The following MGAT5 variants were observed in gnomAD, a reference collection of about 807,000 sequenced individuals.
MGAT5 encodes the protein alpha-1,6-mannosylglycoprotein 6-beta-N-acetylglucosaminyltransferase A.
MGAT5 carries 30 observed loss-of-function variants against 94.3 expected under a neutral mutation model. The observed-to-expected ratio is 0.32, with a 90% CI of 0.24 to 0.43. The LOEUF is 0.43. Ranked by LOEUF, MGAT5 falls within the 20% of genes least tolerant of loss-of-function variation. The pLI is 1.00. For missense variants in MGAT5, 691 were observed against 905.5 expected, an observed-to-expected ratio of 0.76 and a Z score of 3.04; for synonymous variants, 310 against 322.9, an observed-to-expected ratio of 0.96 and a Z score of 0.43.
intron 13 of MGAT5, among the ~76,000 whole-genome samples, chr2:134,426,949 A>G (rs1684625081): frequency 6.6e-6 from 1 of 152,150 alleles, no homozygotes; most frequent in Admixed American, 6.5e-5. Flanking sequence ...TTTGAGCTCT[A>G]TTCTGACAGC....
At chr2:134,127,642 G>A (rs371506652) in intron 1 of MGAT5, among the ~76,000 whole-genome samples, 6 of 152,228 alleles carry the variant, frequency 3.9e-5, no homozygotes, top group African/African-American at 1.4e-4. Context: ...GAGCTGTCCA[G>A]GCAGCATGGC....
chr2:134,305,038 T>A (rs1686245159), intron 2 of MGAT5, among the ~76,000 whole-genome samples: 2 of 152,184 alleles, frequency 1.3e-5, no homozygotes, highest in African/African-American at 4.8e-5. Context: ...TACCCAAGAA[T>A]TTGTTGTGCT....
At chr2:134,187,496 C>T in intron 1 of MGAT5, among the ~76,000 whole-genome samples, 1 of 152,208 alleles carries the variant, frequency 6.6e-6, no homozygotes, top group South Asian at 2.1e-4. Flanking sequence ...CACACGTTGT[C>T]TTTTACTTCC....
intron 11 of MGAT5, among the ~76,000 whole-genome samples, chr2:134,403,979 A>T (rs1373431398): frequency 6.6e-6 from 1 of 152,232 alleles, no homozygotes; most frequent in Non-Finnish European, 1.5e-5. Context: ...TAATGGTGCC[A>T]TGGAAGTACC....
At chr2:134,266,512 C>T (rs115963383) in intron 1 of MGAT5, among the ~76,000 whole-genome samples, 3,401 of 152,322 alleles carry the variant, frequency 0.022, 85 homozygotes, top group East Asian at 0.081. Context: ...TGAGCCGCCG[C>T]GCCAGCCTGT....
At chr2:134,247,453 C>A (rs1292563444) in intron 1 of MGAT5, among the ~76,000 whole-genome samples, 6 of 150,120 alleles carry the variant, frequency 4.0e-5, no homozygotes, top group African/African-American at 1.2e-4. Context: ...GTTCAAACTT[C>A]AGTGTATGGA....
chr2:134,276,881 G>A (rs912840115), intron 2 of MGAT5, among the ~76,000 whole-genome samples: 1 of 152,184 alleles, frequency 6.6e-6, no homozygotes, highest in African/African-American at 2.4e-5. Context: ...TGAAGCTGGT[G>A]TTATGGGGAC....
intron 10 of MGAT5, among the ~76,000 whole-genome samples, chr2:134,362,774 C>T (rs1680179542): frequency 6.6e-6 from 1 of 152,210 alleles, no homozygotes; most frequent in Admixed American, 6.5e-5. Context: ...GAGTCTTTCC[C>T]TCTGCTTCTG....
chr2:134,240,324 G>C (rs934111769), intron 1 of MGAT5, among the ~76,000 whole-genome samples: 1 of 151,322 alleles, frequency 6.6e-6, no homozygotes, highest in African/African-American at 2.4e-5. Context: ...GGATTTTTGA[G>C]GGTGCCCTGA....
intron 1 of MGAT5, among the ~76,000 whole-genome samples, chr2:134,132,750 T>G (rs1686232966): frequency 6.6e-6 from 1 of 152,258 alleles, no homozygotes; most frequent in South Asian, 2.1e-4. Context: ...TGTGACCTTC[T>G]GTTTGGAAGA....
chr2:134,249,943 C>T (rs1002539872), upstream of MGAT5, among the ~76,000 whole-genome samples: 1 of 152,226 alleles, frequency 6.6e-6, no homozygotes, highest in East Asian at 1.9e-4. Flanking sequence ...ATCTGTATGT[C>T]CTTATGAGTG....
intron 1 of MGAT5, among the ~76,000 whole-genome samples, chr2:134,187,918 G>A (rs1689126934): frequency 6.6e-6 from 1 of 152,220 alleles, no homozygotes; most frequent in Non-Finnish European, 1.5e-5. Context: ...AAAAATAAGG[G>A]AGAGGAGGTT....
At chr2:134,387,332 A>ATATATATATATATATATTTTTT in intron 10 of MGAT5, among the ~76,000 whole-genome samples, 2 of 24,262 alleles carry the variant, frequency 8.2e-5, no homozygotes, top group African/African-American at 2.0e-4. Context: ...ATATATATAT[A>ATATATATATATATATATTTTTT]TTTTTTTTTT....
intron 11 of MGAT5, among the ~76,000 whole-genome samples, chr2:134,410,080 T>TA (rs1374402321): frequency 6.6e-6 from 1 of 152,230 alleles, no homozygotes; most frequent in Non-Finnish European, 1.5e-5. Context: ...CCTTGGCACT[T>TA]ATGTACATTC....
At chr2:134,289,875 C>A (rs1685241330) in intron 2 of MGAT5, among the ~76,000 whole-genome samples, 1 of 152,198 alleles carries the variant, frequency 6.6e-6, no homozygotes, top group South Asian at 2.1e-4. Flanking sequence ...GAAGCTTGTG[C>A]CTGGTCTCTG....
upstream of MGAT5, among the ~76,000 whole-genome samples, chr2:134,250,332 T>C (rs1418066888): frequency 2.6e-5 from 4 of 152,216 alleles, no homozygotes; most frequent in Non-Finnish European, 5.9e-5. Flanking sequence ...ACTGTGCCCA[T>C]TGGATGACTT....
chr2:134,138,657 C>G (rs977149706), intron 1 of MGAT5, among the ~76,000 whole-genome samples: 3 of 152,130 alleles, frequency 2.0e-5, no homozygotes, highest in Non-Finnish European at 4.4e-5. Flanking sequence ...CTCCTGTTAC[C>G]GTGTCTTGTG....
At chr2:134,349,283 AT>A (rs1245192938) in intron 8 of MGAT5, among the ~76,000 whole-genome samples, 4 of 152,208 alleles carry the variant, frequency 2.6e-5, no homozygotes, top group African/African-American at 9.6e-5. Context: ...ATATAAAAAA[AT>A]ACCATTGCCT....
intron 3 of MGAT5, among the ~76,000 whole-genome samples, 198 bp downstream of exon 3, chr2:134,317,803 A>C (rs926544767): frequency 2.0e-5 from 3 of 152,142 alleles, no homozygotes; most frequent in African/African-American, 7.2e-5. Context: ...GGGGTTGGTC[A>C]ACAGTGGCTC....
Sources: allele counts gnomAD v4.1 joint callset (sites outside exome capture counted in the v4.1 genomes callset), GRCh38; gene constraint gnomAD v4.1.1; transcripts MANE v1.5; gene names NCBI Gene and HGNC (gene_info 2026-07-23, HGNC 2026-07-21).